Variants in MGAT4C observed in about 807,000 individuals in gnomAD.
The protein encoded by MGAT4C is alpha-1,3-mannosyl-glycoprotein 4-beta-N-acetylglucosaminyltransferase C.
A neutral mutation model predicts 40.1 loss-of-function variants in MGAT4C; 19 were observed. The observed-to-expected ratio is 0.47, with a 90% confidence interval of 0.33 to 0.70. The LOEUF is 0.70. MGAT4C is among the 30% of genes least tolerant of loss of function. MGAT4C has a pLI of 0.02. For missense variants in MGAT4C, 491 were observed against 563.2 expected (o/e 0.87, Z 1.30); for synonymous variants, 181 against 187.1 (o/e 0.97, Z 0.27).
chr12:86,766,513 C>A (rs1049660305), intron 1 of MGAT4C, among the ~76,000 whole-genome samples: 1 of 151,998 alleles, frequency 6.6e-6, no homozygotes, highest in Admixed American at 6.6e-5. Context: ...CTGCACCAAG[C>A]AGACCTAATA....
intron 2 of MGAT4C, among the ~76,000 whole-genome samples, chr12:86,529,718 G>T (rs1958946611): frequency 6.6e-6 from 1 of 151,752 alleles, no homozygotes; most frequent in Non-Finnish European, 1.5e-5. Flanking sequence ...CAAAGTAAAG[G>T]CTACAGATTA....
intron 3 of MGAT4C, among the ~76,000 whole-genome samples, chr12:86,420,850 T>C (rs966440281): frequency 6.7e-6 from 1 of 149,514 alleles, no homozygotes; most frequent in East Asian, 1.9e-4. Context: ...CATATGTATA[T>C]ACATATATAT....
At chr12:86,135,354 T>TA (rs1446150918) in intron 1 of MGAT4C, among the ~76,000 whole-genome samples, 1 of 152,172 alleles carries the variant, frequency 6.6e-6, no homozygotes, top group Non-Finnish European at 1.5e-5. Flanking sequence ...ATGCCATTAG[T>TA]AAAAATCACC....
intron 4 of MGAT4C, among the ~76,000 whole-genome samples, chr12:86,264,070 A>C (rs1392575684): frequency 6.6e-6 from 1 of 152,082 alleles, no homozygotes; most frequent in Non-Finnish European, 1.5e-5. Context: ...TTCTTTCTAC[A>C]TCCTGGATAT....
chr12:86,812,474 T>C (rs1952497559), intron 1 of MGAT4C, among the ~76,000 whole-genome samples: 3 of 152,084 alleles, frequency 2.0e-5, no homozygotes, highest in African/African-American at 7.2e-5. Context: ...ATTTTGAAGC[T>C]TTCTTGTTTA....
chr12:86,213,954 C>T (rs1044390995), intron 1 of MGAT4C, among the ~76,000 whole-genome samples: 1 of 152,294 alleles, frequency 6.6e-6, no homozygotes, highest in African/African-American at 2.4e-5. Flanking sequence ...ACTTATTCCC[C>T]ACAAGGGGGT....
At chr12:86,303,002 T>C (rs997041017) in intron 4 of MGAT4C, among the ~76,000 whole-genome samples, 6 of 150,682 alleles carry the variant, frequency 4.0e-5, no homozygotes, top group African/African-American at 1.2e-4. Flanking sequence ...GACATGAGGT[T>C]CTTCCACCAG....
intron 2 of MGAT4C, among the ~76,000 whole-genome samples, chr12:86,540,694 C>T (rs1290046641): frequency 6.6e-6 from 1 of 152,094 alleles, no homozygotes; most frequent in Non-Finnish European, 1.5e-5. Flanking sequence ...CGAGATTGCA[C>T]CACTGCACTC....
chr12:86,785,515 A>C (rs1410930697), intron 1 of MGAT4C, among the ~76,000 whole-genome samples: 1 of 152,024 alleles, frequency 6.6e-6, no homozygotes, highest in Non-Finnish European at 1.5e-5. Context: ...TATCTGGGTT[A>C]GATAAACCTC....
At chr12:86,709,579 T>G (rs1950522105) in intron 2 of MGAT4C, among the ~76,000 whole-genome samples, 1 of 141,458 alleles carries the variant, frequency 7.1e-6, no homozygotes, top group Non-Finnish European at 1.5e-5. Context: ...TTATTTTACA[T>G]ATGTATGTAT....
intron 1 of MGAT4C, among the ~76,000 whole-genome samples, chr12:86,145,093 G>T (rs1593064587): frequency 6.6e-6 from 1 of 152,110 alleles, no homozygotes; most frequent in South Asian, 2.1e-4. Context: ...TTCTGTCAGG[G>T]TATACAACTT....
Position 85,979,596 on chromosome 12 carries a change from T to C in MGAT4C, c.1130A>G (p.Asp377Gly). 6.2e-7 allele frequency: 1 copy of C among 1,609,550 alleles called. No homozygotes were observed. Among genetic ancestry groups the C allele is most frequent in the Non-Finnish European group, 8.5e-7 (1 of 1,178,526 alleles). The part of the protein sequence containing the change: ...YFWGKPPSTG[D>G]VFVIVFENPI... ...ATTTTCAAATACAATCACAAAAACA[T>C]CTCCTGTTGAAGGTGGTTTCCCCCA... is the stretch of plus-strand genomic sequence containing the variant. Residue 377 changes from aspartate (D) to glycine (G), a missense_variant, in exon 5 of 5, where the codon GAT becomes GGT. Coordinates refer to ENST00000611864, the MANE Select transcript of MGAT4C (RefSeq NM_001351288.2).
intron 2 of MGAT4C, among the ~76,000 whole-genome samples, chr12:86,500,681 T>C (rs1958324482): frequency 1.3e-5 from 2 of 151,984 alleles, no homozygotes; most frequent in Admixed American, 1.3e-4. Flanking sequence ...TTATGCAAAC[T>C]CTTTGTGACA....
chr12:86,391,965 T>C (rs1156994624), intron 3 of MGAT4C, among the ~76,000 whole-genome samples: 1 of 152,188 alleles, frequency 6.6e-6, no homozygotes, highest in Non-Finnish European at 1.5e-5. Context: ...TAATAATGAG[T>C]CATTTATTTA....
intron 3 of MGAT4C, among the ~76,000 whole-genome samples, chr12:86,356,461 T>C (rs1476757311): frequency 6.6e-6 from 1 of 152,146 alleles, no homozygotes; most frequent in Non-Finnish European, 1.5e-5. Context: ...CAGGTTCATC[T>C]CACTGGGGCT....
intron 2 of MGAT4C, among the ~76,000 whole-genome samples, chr12:86,659,187 T>C (rs912895685): frequency 6.6e-6 from 1 of 152,034 alleles, no homozygotes; most frequent in African/African-American, 2.4e-5. Context: ...TCACTTAACA[T>C]GTATATTTAT....
intron 3 of MGAT4C, among the ~76,000 whole-genome samples, chr12:86,432,628 C>T (rs1957061759): frequency 6.6e-6 from 1 of 151,916 alleles, no homozygotes; most frequent in African/African-American, 2.4e-5. Flanking sequence ...GGCAAAAGAA[C>T]ACAGGGGAAC....
chr12:86,588,842 C>T (rs1316857633), intron 2 of MGAT4C, among the ~76,000 whole-genome samples: 2 of 151,800 alleles, frequency 1.3e-5, no homozygotes, highest in Non-Finnish European at 2.9e-5. Context: ...TAAAGATGTT[C>T]TTTGAAACCA....
intron 4 of MGAT4C, among the ~76,000 whole-genome samples, chr12:86,306,402 A>G (rs1280080283): frequency 6.6e-6 from 1 of 150,632 alleles, no homozygotes; most frequent in Non-Finnish European, 1.5e-5. Context: ...AATAACATGG[A>G]TTAGTCTCAT....
Sources: gnomAD v4.1 joint callset for allele counts (sites outside exome capture counted in the v4.1 genomes callset) on GRCh38, gnomAD v4.1.1 for gene constraint, MANE v1.5 for transcripts, NCBI Gene and HGNC (gene_info 2026-07-23, HGNC 2026-07-21) for gene names.